The following TTLL7 variants were observed in gnomAD, a reference collection of about 807,000 sequenced individuals.
TTLL7 encodes tubulin polyglutamylase TTLL7.
TTLL7 carries 53 observed loss-of-function variants against 120.2 expected under a neutral mutation model. The ratio of observed to expected loss-of-function variants is 0.44; its 90% CI spans 0.35 to 0.55. TTLL7 has a LOEUF of 0.55. TTLL7 is among the 20% of genes least tolerant of loss of function. The pLI, the probability that TTLL7 is intolerant of heterozygous loss-of-function variation, is 0.00. For synonymous variants in TTLL7, 353 were observed against 351.7 expected (o/e 1.00, Z -0.04); for missense variants, 803 against 1,054.7 (o/e 0.76, Z 3.31).
chr1:83,911,832 G>T (rs1570690), intron 14 of TTLL7, among the ~76,000 whole-genome samples: 64,374 of 151,360 alleles, frequency 0.43, 15,292 homozygotes, highest in Non-Finnish European at 0.54. Context: ...TATGTGTGTG[G>T]TGTGTGTGTG....
At chr1:83,932,841 T>C (rs1198336550) in intron 9 of TTLL7, among the ~76,000 whole-genome samples, 1 of 152,124 alleles carries the variant, frequency 6.6e-6, no homozygotes, top group Non-Finnish European at 1.5e-5. Context: ...AGAAGGTGTG[T>C]AAACCCAGAT....
At chr1:83,956,397 T>C (rs969009090) in intron 1 of TTLL7, among the ~76,000 whole-genome samples, 3 of 151,580 alleles carry the variant, frequency 2.0e-5, no homozygotes, top group South Asian at 4.2e-4. Context: ...AGTGCTGAGA[T>C]TACAGGCATG....
chr1:83,959,120 A>G (rs1338316797), intron 1 of TTLL7, among the ~76,000 whole-genome samples: 2 of 152,232 alleles, frequency 1.3e-5, no homozygotes, highest in Non-Finnish European at 2.9e-5. Context: ...ATAGGTTTGG[A>G]AATGCTGAAC....
chr1:83,890,147 T>C (rs1655337354), intron 19 of TTLL7, among the ~76,000 whole-genome samples, 174 bp downstream of exon 19: 1 of 152,142 alleles, frequency 6.6e-6, no homozygotes. Flanking sequence ...TTCATATTCA[T>C]CATCTTATCT....
intron 18 of TTLL7, among the ~76,000 whole-genome samples, chr1:83,892,621 T>TATGAACATATGA (rs1271137988): frequency 2.1e-5 from 3 of 144,346 alleles, no homozygotes; most frequent in East Asian, 4.1e-4. Flanking sequence ...TGAACATATA[T>TATGAACATATGA]ATGAACATAT....
intron 20 of TTLL7, among the ~76,000 whole-genome samples, chr1:83,876,593 T>C (rs903199167): frequency 3.9e-5 from 6 of 152,004 alleles, no homozygotes; most frequent in Admixed American, 1.3e-4. Context: ...GAATAAGACA[T>C]ACTTTTCCAT....
rs1158756590 is a variant in TTLL7, at chr1:83,933,647, A to G, written c.1008T>C (p.Asp336=). The change falls in exon 9 of 21, where the codon GAT becomes GAC. Residue 336 remains aspartate (D), a synonymous_variant. Coordinates refer to ENST00000260505, the MANE Select transcript of TTLL7 (RefSeq NM_024686.6). ...GCTTTAGTTTTCTATCCAACAAAAT[A>G]TCAAATCCCAGGACTTCAAAGCAGA... is the stretch of plus-strand genomic sequence containing the variant. ...ESVCFEVLGF[D]ILLDRKLKPW... is the part of the protein sequence containing the mutation. 2 of 1,613,544 alleles carry G rather than the reference A, an allele frequency of 1.2e-6. No homozygotes were observed. The highest frequency in any genetic ancestry group is 1.7e-6 in the Non-Finnish European group (2 of 1,179,742).
chr1:83,893,368 T>C (rs2100737257), intron 18 of TTLL7, among the ~76,000 whole-genome samples: 1 of 152,136 alleles, frequency 6.6e-6, no homozygotes, highest in Admixed American at 6.6e-5. Flanking sequence ...AACAAAATTC[T>C]TTTGTAAAAA....
At chr1:83,926,531 G>A (rs1008141133) in intron 10 of TTLL7, among the ~76,000 whole-genome samples, 1 of 152,152 alleles carries the variant, frequency 6.6e-6, no homozygotes, top group Admixed American at 6.5e-5. Context: ...AGAGGGCTGA[G>A]GCAAGAACAC....
intron 1 of TTLL7, among the ~76,000 whole-genome samples, chr1:83,956,682 G>A (rs1353963885): frequency 1.3e-5 from 2 of 152,044 alleles, no homozygotes; most frequent in Non-Finnish European, 1.5e-5. Context: ...CGCCTACCTC[G>A]GCCTCCCAAA....
rs117620144 is a variant in TTLL7 at position 83,911,166 on chromosome 1, G to A, written c.1785C>T (p.Pro595=). The A allele has an allele frequency of 1.3e-3, 2,142 of 1,603,330 alleles. 48 individuals carry two copies. The East Asian group carries it at 0.039, about 29-fold the overall frequency. Residue 595 remains proline (P), a splice_region_variant and synonymous_variant, in exon 15 of 21, where the codon CCC becomes CCT. Transcript: ENST00000260505. ...CTAAATTAGAAGAAATTGACTTACT[G>A]GGTTGTTGAATTAATTTGTAGTGGT... The part of the protein sequence containing the change: ...PSNHYKLIQQ[P]SSIRRSVSCP...
chr1:83,920,747 C>G (rs183204474), intron 12 of TTLL7: 41 of 222,390 alleles, frequency 1.8e-4, no homozygotes, highest in Admixed American at 3.7e-4. Flanking sequence ...TGCCTAGTTC[C>G]TGAAAAAGTA....
chr1:83,961,448 T>A (rs1374776485), intron 1 of TTLL7, among the ~76,000 whole-genome samples: 1 of 152,110 alleles, frequency 6.6e-6, no homozygotes, highest in East Asian at 1.9e-4. Context: ...CTGTGGCCTG[T>A]CTAGTCTTTG....
intron 20 of TTLL7, among the ~76,000 whole-genome samples, chr1:83,875,780 T>C (rs1232544379): frequency 6.6e-6 from 1 of 151,914 alleles, no homozygotes; most frequent in Non-Finnish European, 1.5e-5. Context: ...TTTTCTATTG[T>C]GTGGTCTGCT....
intron 19 of TTLL7, among the ~76,000 whole-genome samples, chr1:83,883,729 C>A (rs1654724300): frequency 6.6e-6 from 1 of 151,940 alleles, no homozygotes; most frequent in Non-Finnish European, 1.5e-5. Context: ...TCTGTATTTA[C>A]CTTAAGAATG....
chr1:83,991,794 T>C (rs1248522480), intron 1 of TTLL7, among the ~76,000 whole-genome samples: 1 of 152,214 alleles, frequency 6.6e-6, no homozygotes, highest in Non-Finnish European at 1.5e-5. Context: ...GTAATTTTAC[T>C]TGGAGATCTA....
At chr1:83,947,863 GTCT>G (rs947257224) in intron 5 of TTLL7, among the ~76,000 whole-genome samples, 1 of 151,862 alleles carries the variant, frequency 6.6e-6, no homozygotes, top group Admixed American at 6.6e-5. Context: ...TCTGTGAATT[GTCT>G]TCTTTTTTTA....
Position 83,892,938 on chromosome 1 carries a change from G to GA in TTLL7, c.2209-2458dup, listed in dbSNP as rs71582909. 1.1e-3 allele frequency among the ~76,000 whole-genome samples: 47 copies of GA among 42,608 alleles called. 1 individual carries two copies. Among genetic ancestry groups the GA allele is most frequent in the Admixed American group, 1.9e-3 (7 of 3,674 alleles). The allele number at this position is 42,608 out of a possible 152,430, so 28.0% of individuals were successfully genotyped here. ...AAAAAGAAAGAAAAAGAGAAAGAAA[G>GA]AAAGAAAGAAAGAAAAGAATAAAAG... On this transcript the variant is annotated intron_variant, in intron 18 of 20. Coordinates refer to ENST00000260505, the MANE Select transcript of TTLL7 (RefSeq NM_024686.6).
intron 18 of TTLL7, among the ~76,000 whole-genome samples, chr1:83,898,206 T>G (rs1466921902): frequency 6.6e-6 from 1 of 152,044 alleles, no homozygotes; most frequent in Non-Finnish European, 1.5e-5. Context: ...ACAATTTTTA[T>G]ACATCATTTT....
Sources: gnomAD v4.1 joint callset for allele counts (sites outside exome capture counted in the v4.1 genomes callset) on GRCh38, gnomAD v4.1.1 for gene constraint, MANE v1.5 for transcripts, NCBI Gene and HGNC (gene_info 2026-07-23, HGNC 2026-07-21) for gene names.